Variants in TMEFF2 observed in about 807,000 individuals in gnomAD.
TMEFF2 encodes tomoregulin-2.
In TMEFF2, 28 loss-of-function variants were observed where a neutral mutation model predicts 53.8. The observed-to-expected ratio is 0.52, with a 90% confidence interval of 0.39 to 0.71. The LOEUF is 0.71. Among genes scored for constraint, TMEFF2 ranks in the 30% least tolerant of loss-of-function variants. The pLI, the probability that TMEFF2 is intolerant of heterozygous loss-of-function variation, is 0.00. For missense variants in TMEFF2, 353 were observed against 455.2 expected (o/e 0.78, Z 2.04); for synonymous variants, 162 against 166.3 (o/e 0.97, Z 0.20).
intron 4 of TMEFF2, among the ~76,000 whole-genome samples, chr2:192,150,693 A>G (rs1022803142): frequency 1.6e-5 from 1 of 61,020 alleles, no homozygotes; most frequent in Non-Finnish European, 4.1e-5. Context: ...AGGACACTTC[A>G]TGTTTTTTTT....
At chr2:192,103,820 T>G (rs891554973) in intron 4 of TMEFF2, among the ~76,000 whole-genome samples, 1 of 151,550 alleles carries the variant, frequency 6.6e-6, no homozygotes, top group African/African-American at 2.4e-5. Flanking sequence ...AGCCTTGAGG[T>G]GAGGGCATGC....
intron 4 of TMEFF2, among the ~76,000 whole-genome samples, chr2:192,096,875 CAT>C (rs1242679869): frequency 6.6e-6 from 1 of 151,654 alleles, no homozygotes; most frequent in East Asian, 1.9e-4. Flanking sequence ...GGGGTTTCAC[CAT>C]GTTGGCCAGG....
chr2:191,989,874 G>T (rs1002476820), intron 7 of TMEFF2, among the ~76,000 whole-genome samples: 7 of 152,122 alleles, frequency 4.6e-5, no homozygotes, highest in Admixed American at 3.3e-4. Flanking sequence ...AGCCTCAGAT[G>T]CTTCAATGAA....
intron 7 of TMEFF2, among the ~76,000 whole-genome samples, chr2:191,959,188 A>G (rs1362734063): frequency 2.0e-5 from 3 of 152,192 alleles, no homozygotes; most frequent in African/African-American, 7.2e-5. Flanking sequence ...AAAGAGGTTT[A>G]ATGTAAGGGT....
intron 4 of TMEFF2, among the ~76,000 whole-genome samples, chr2:192,069,964 A>ATGTGTGTGTG (rs377496762): frequency 4.6e-5 from 4 of 86,592 alleles, no homozygotes; most frequent in Non-Finnish European, 6.6e-5. Flanking sequence ...ATTTAGAAAA[A>ATGTGTGTGTG]TGTGTGTGTG....
intron 9 of TMEFF2, among the ~76,000 whole-genome samples, chr2:191,952,589 A>G (rs1340328347): frequency 1.3e-5 from 2 of 152,100 alleles, no homozygotes; most frequent in African/African-American, 4.8e-5. Flanking sequence ...GATGAACTCA[A>G]CTCGGCTTAG....
intron 5 of TMEFF2, among the ~76,000 whole-genome samples, chr2:192,000,422 G>T (rs982864335): frequency 2.0e-5 from 3 of 152,114 alleles, no homozygotes; most frequent in Non-Finnish European, 4.4e-5. Context: ...GTGGAATAAG[G>T]TCCCACTCAT....
At chr2:192,089,880 C>T (rs550326193) in intron 4 of TMEFF2, among the ~76,000 whole-genome samples, 31 of 152,270 alleles carry the variant, frequency 2.0e-4, no homozygotes, top group African/African-American at 7.5e-4. Flanking sequence ...AACCCTTAAA[C>T]TTAAGAAATG....
Position 192,012,499 on chromosome 2 carries a change from A to T in TMEFF2, c.537-13291T>A, listed in dbSNP as rs1686652973. ...ACAATGGGACCTGGGCCAACAAACC[A>T]TGCAGGATACTTTCATTATTCATCC... On this transcript the variant is annotated intron_variant, in intron 5 of 9. Coordinates refer to ENST00000272771, the MANE Select transcript of TMEFF2 (RefSeq NM_016192.4). Among the ~76,000 whole-genome samples, 5 of 152,148 alleles carry T rather than the reference A, an allele frequency of 3.3e-5. No individual in the cohort carries two copies. In the South Asian group the frequency reaches 1.0e-3, roughly 32 times the overall value.
At chr2:192,084,530 G>C (rs1050293454) in intron 4 of TMEFF2, among the ~76,000 whole-genome samples, 3 of 152,110 alleles carry the variant, frequency 2.0e-5, no homozygotes, top group Non-Finnish European at 4.4e-5. Flanking sequence ...TTACTGAAGA[G>C]AAGAAAAAGA....
chr2:191,970,773 C>T (rs1029430190), intron 7 of TMEFF2, among the ~76,000 whole-genome samples: 2 of 152,050 alleles, frequency 1.3e-5, no homozygotes, highest in African/African-American at 4.8e-5. Context: ...TTTAATAGTC[C>T]AAATGGAGTC....
At chr2:192,086,462 T>C (rs1688671558) in intron 4 of TMEFF2, among the ~76,000 whole-genome samples, 1 of 152,176 alleles carries the variant, frequency 6.6e-6, no homozygotes, top group Non-Finnish European at 1.5e-5. Context: ...ACAATTTGGA[T>C]GCCCATGAAA....
At chr2:192,164,455 C>T (rs535267808) in intron 4 of TMEFF2, among the ~76,000 whole-genome samples, 10 of 152,238 alleles carry the variant, frequency 6.6e-5, no homozygotes, top group Admixed American at 1.3e-4. Flanking sequence ...ACAGGCCAGG[C>T]GCGGTGGCTC....
chr2:192,027,567 C>T (rs1305478027), intron 5 of TMEFF2, among the ~76,000 whole-genome samples: 2 of 152,152 alleles, frequency 1.3e-5, no homozygotes, highest in Non-Finnish European at 2.9e-5. Flanking sequence ...GGTCTTGCCT[C>T]CTGGTATTCA....
chr2:191,963,931 A>C (rs919326988), intron 7 of TMEFF2, among the ~76,000 whole-genome samples: 2 of 152,174 alleles, frequency 1.3e-5, no homozygotes, highest in African/African-American at 2.4e-5. Flanking sequence ...TAGATTTATA[A>C]AATTTCCATT....
intron 7 of TMEFF2, among the ~76,000 whole-genome samples, chr2:191,975,109 T>C (rs1232752872): frequency 6.6e-6 from 1 of 151,432 alleles, no homozygotes; most frequent in African/African-American, 2.4e-5. Context: ...TTTGATGACA[T>C]AGAAAATGAG....
At chr2:192,146,636 G>A (rs1179275475) in intron 4 of TMEFF2, among the ~76,000 whole-genome samples, 1 of 151,914 alleles carries the variant, frequency 6.6e-6, no homozygotes, top group Admixed American at 6.6e-5. Flanking sequence ...CATAGAAACA[G>A]CCTATAGTGT....
At position 191,983,413 on chromosome 2, in the gene TMEFF2, G is replaced by C. The variant is rs561273792; in HGVS notation, c.745+14849C>G. On this transcript the variant is annotated intron_variant, in intron 7 of 9. Transcript: ENST00000272771. ...AGCCTTTTTTTTTTTTTCTCCTGGGGCAAAAAGGGATATGAACCTTTGTTA... is the reference window on the plus strand; with the variant it reads ...AGCCTTTTTTTTTTTTTCTCCTGGGCCAAAAAGGGATATGAACCTTTGTTA... Among the ~76,000 whole-genome samples, 21 of 150,514 alleles carry C rather than the reference G, an allele frequency of 1.4e-4. 1 individual carries two copies. The South Asian group carries it at 4.4e-3, about 32-fold the overall frequency.
chr2:192,179,764 T>C, intron 3 of TMEFF2, 70 bp from the exon 4 acceptor site: 2 of 1,407,840 alleles, frequency 1.4e-6, no homozygotes, highest in Non-Finnish European at 9.5e-7. Flanking sequence ...TAAGCTCAAG[T>C]TTATTTTCTT....
Sources: allele counts gnomAD v4.1 joint callset (sites outside exome capture counted in the v4.1 genomes callset), GRCh38; gene constraint gnomAD v4.1.1; transcripts MANE v1.5; gene names NCBI Gene and HGNC (gene_info 2026-07-23, HGNC 2026-07-21).